CENPF: variants seen among roughly 807,000 people sequenced by gnomAD.
CENPF encodes AH antigen.
CENPF carries 214 observed loss-of-function variants against 307.3 expected under a neutral mutation model. The ratio of observed to expected loss-of-function variants is 0.70; its 90% confidence interval spans 0.62 to 0.78. CENPF has a LOEUF of 0.78. CENPF is among the 30% of genes least tolerant of loss of function. The pLI, the probability that CENPF is intolerant of heterozygous loss-of-function variation, is 0.00. For missense variants in CENPF, 3,401 were observed against 3,483.9 expected, an observed-to-expected ratio of 0.98 and a Z score of 0.60; for synonymous variants, 1,259 against 1,270.6, an observed-to-expected ratio of 0.99 and a Z score of 0.19.
In CENPF at chr1:214,641,683, A is replaced by G. The variant is rs778377597; in HGVS notation, c.3345A>G (p.Thr1115=). 1.3e-6 allele frequency: 2 copies of G among 1,581,574 alleles called. No individual in the cohort carries two copies. Among genetic ancestry groups the G allele is most frequent in the South Asian group, 1.2e-5 (1 of 85,174 alleles). Residue 1115 remains threonine (T), a synonymous_variant, in exon 12 of 20, where the codon ACA becomes ACG. Coordinates refer to ENST00000366955, the MANE Select transcript of CENPF (RefSeq NM_016343.4). ...TVQQALRSEM[T]DNQNNSKSEA... ...AGCAAGCTCTGAGATCTGAGATGACAGATAACCAAAACAATTCTAAGAGCG... is the reference window on the plus strand; with the variant it reads ...AGCAAGCTCTGAGATCTGAGATGACGGATAACCAAAACAATTCTAAGAGCG...
intron 16 of CENPF, chr1:214,655,008 G>A (rs1048047882): frequency 1.1e-5 from 3 of 281,360 alleles, no homozygotes; most frequent in Non-Finnish European, 2.0e-5. Context: ...CTCAGGAACT[G>A]TAGTTTATAC....
Position 214,643,317 on chromosome 1 carries a change from CAGA to C in CENPF, c.4983_4985del (p.Glu1661del). The C allele has an allele frequency of 6.7e-7, 1 of 1,493,194 alleles. No homozygotes were observed. The highest frequency in any genetic ancestry group is 1.4e-5 in the South Asian group (1 of 69,470). 92.5% of individuals were successfully genotyped at this position (1,493,194 alleles called of 1,614,324 possible). On this transcript the variant is annotated inframe_deletion, in exon 12 of 20. Coordinates refer to ENST00000366955, the MANE Select transcript of CENPF (RefSeq NM_016343.4). ...TCTCGGTCTTTGCTTGGCATCGACA[CAGA>C]AGATGTAAGTACCTGGGATTTAAAT...
In CENPF at chr1:214,616,831, CTTCCTCTTTCTTTCTTTCT is replaced by C. The variant is rs1558170776; in HGVS notation, c.360-1738_360-1720del. 2.6e-4 allele frequency among the ~76,000 whole-genome samples: 38 copies of C among 145,414 alleles called. 1 individual carries two copies. Among genetic ancestry groups the C allele is most frequent in the African/African-American group, 9.7e-4 (37 of 38,336 alleles). On this transcript the variant is annotated intron_variant, in intron 3 of 19. Coordinates refer to ENST00000366955, the MANE Select transcript of CENPF (RefSeq NM_016343.4). ...CTTTCCTTCCTTCCTTCTTTCCTTC[CTTCCTCTTTCTTTCTTTCT>C]TTCTTTCTTTCTTTCTTTCTTTCTT...
In CENPF at chr1:214,645,435, G is replaced by A. The variant is rs754812982; in HGVS notation, c.5865G>A (p.Val1955=). 1.2e-6 allele frequency: 2 copies of A among 1,613,956 alleles called. No homozygotes were observed. The highest frequency in any genetic ancestry group is 3.3e-5 in the Admixed American group (2 of 59,992). The change falls in exon 13 of 20, where the codon GTG becomes GTA. Residue 1955 remains valine, a synonymous_variant. Transcript: ENST00000366955. The stretch of plus-strand genomic sequence containing the variant: ...TCTGCCTTGAAGAAGAACTCTCAGT[G>A]GTCACAAGTGAGAGAAACCAGCTTC... The part of the protein sequence containing the change: ...VIVCLEEELS[V]VTSERNQLRG...
rs772012154 is a variant in CENPF at position 214,663,827 on chromosome 1, G to A, written c.*33G>A. On this transcript the variant is annotated 3_prime_UTR_variant, in exon 20 of 20. Coordinates refer to ENST00000366955, the MANE Select transcript of CENPF (RefSeq NM_016343.4). ...TTGTGTGTCAGTACCCCTGGGAGGTGCCAGTCATTGAATAGATAAGGCTGT... is the reference window on the plus strand; with the variant it reads ...TTGTGTGTCAGTACCCCTGGGAGGTACCAGTCATTGAATAGATAAGGCTGT... The A allele has an allele frequency of 2.6e-6, 4 of 1,564,092 alleles. No individual in the cohort carries two copies. Among genetic ancestry groups the A allele is most frequent in the Non-Finnish European group, 8.8e-7 (1 of 1,139,354 alleles).
chr1:214,660,907 T>G (rs889503085), intron 19 of CENPF, among the ~76,000 whole-genome samples: 1 of 152,216 alleles, frequency 6.6e-6, no homozygotes, highest in Non-Finnish European at 1.5e-5. Context: ...AAATATTCAC[T>G]GAATGAATGG....
At chr1:214,614,088 C>T (rs534611098) in intron 2 of CENPF, among the ~76,000 whole-genome samples, 172 bp downstream of exon 2, 2 of 138,504 alleles carry the variant, frequency 1.4e-5, no homozygotes, top group East Asian at 4.1e-4. Context: ...CCCACCCCCA[C>T]CCCAGGCCCC....
Position 214,642,649 on chromosome 1 carries a change from C to T in CENPF, c.4311C>T (p.Thr1437=). ...GCTCTAAAATGTCAGAGCTGCAGAC[C>T]TATGTTGACTCATTAAAGGCCGAAA... The part of the protein sequence containing the change: ...QMSSKMSELQ[T]YVDSLKAENL... Residue 1437 remains threonine (T), a synonymous_variant, in exon 12 of 20, where the codon ACC becomes ACT. Coordinates refer to ENST00000366955, the MANE Select transcript of CENPF (RefSeq NM_016343.4). The T allele has an allele frequency of 6.2e-7, 1 of 1,614,016 alleles. No individual in the cohort carries two copies. Among genetic ancestry groups the T allele is most frequent in the Non-Finnish European group, 8.5e-7 (1 of 1,179,972 alleles).
intron 1 of CENPF, 135 bp from the exon 2 acceptor site, chr1:214,613,579 G>A (rs374045942): frequency 7.5e-6 from 4 of 530,396 alleles, no homozygotes; most frequent in Admixed American, 3.9e-5. Flanking sequence ...GGAGAAGATA[G>A]GTATTATACT....
chr1:214,608,706 A>G (rs1657109424), intron 1 of CENPF: 3 of 1,594,532 alleles, frequency 1.9e-6, no homozygotes, highest in Admixed American at 3.4e-5. Context: ...CGGCCCCACC[A>G]GGCCCCGGCT....
At chr1:214,632,840 A>G (rs1336254830) in intron 10 of CENPF, among the ~76,000 whole-genome samples, 1 of 152,226 alleles carries the variant, frequency 6.6e-6, no homozygotes, top group Non-Finnish European at 1.5e-5. Flanking sequence ...CAATTATAGC[A>G]TATCTAGCAA....
intron 19 of CENPF, among the ~76,000 whole-genome samples, chr1:214,663,336 A>G (rs896574207): frequency 2.0e-5 from 3 of 152,328 alleles, no homozygotes; most frequent in Admixed American, 6.5e-5. Flanking sequence ...CTAGGGATAC[A>G]TAGGTAAATA....
chr1:214,650,193 C>G (rs1404329684), intron 14 of CENPF, among the ~76,000 whole-genome samples: 1 of 152,084 alleles, frequency 6.6e-6, no homozygotes, highest in Non-Finnish European at 1.5e-5. Flanking sequence ...ATGCAACGAC[C>G]AGGCAGTGGT....
intron 1 of CENPF, chr1:214,613,054 G>C (rs548539719): frequency 3.3e-5 from 11 of 337,500 alleles, no homozygotes; most frequent in Admixed American, 7.0e-5. Flanking sequence ...CAACTTTGAT[G>C]CTACATGAAT....
chr1:214,616,550 C>T lies in CENPF; in HGVS notation c.359+1522C>T, dbSNP rs189826473. Among the ~76,000 whole-genome samples the T allele has an allele frequency of 3.5e-3, 526 of 151,902 alleles. 1 individual carries two copies. The highest frequency in any genetic ancestry group is 0.01 in the Middle Eastern group (3 of 294). On this transcript the variant is annotated intron_variant, in intron 3 of 19. Transcript: ENST00000366955. Reference sequence around the variant, plus strand: ...AAAATGTAAAATATTTTATTAGTAACTTTCCTATTAATTACAAGTTGAAAT... The same window carrying T: ...AAAATGTAAAATATTTTATTAGTAATTTTCCTATTAATTACAAGTTGAAAT...
At position 214,641,283 on chromosome 1, in the gene CENPF, T is replaced by A. The variant is rs376432730; in HGVS notation, c.2945T>A (p.Ile982Asn). The change falls in exon 12 of 20, where the codon ATT becomes AAT. Residue 982 changes from isoleucine to asparagine, a missense_variant. Coordinates refer to ENST00000366955, the MANE Select transcript of CENPF (RefSeq NM_016343.4). ...CAAGAGAATGGGACTCTTAAGGAAA[T>A]TAATGCATCCTTAAATCAAGAGAAG... ...LTQENGTLKEINASLNQEKMN... is the reference protein window; with the variant it reads ...LTQENGTLKENNASLNQEKMN... 1 of 1,605,988 alleles carries A rather than the reference T, an allele frequency of 6.2e-7. No individual in the cohort carries two copies. Among genetic ancestry groups the A allele is most frequent in the East Asian group, 2.2e-5 (1 of 44,834 alleles).
At chr1:214,652,068 A>ATTTTTTTTTTTT (rs35011701) in intron 15 of CENPF, among the ~76,000 whole-genome samples, 182 bp downstream of exon 15, 1 of 127,096 alleles carries the variant, frequency 7.9e-6, no homozygotes, top group African/African-American at 3.0e-5. Context: ...TTATCAGTTG[A>ATTTTTTTTTTTT]TTTTTTTTTT....
intron 1 of CENPF, chr1:214,608,768 T>G (rs1657112298): frequency 6.2e-7 from 1 of 1,600,460 alleles, no homozygotes; most frequent in African/African-American, 1.3e-5. Flanking sequence ...AAGGCGAGCT[T>G]GGCAGCGATG....
chr1:214,645,917 A>G lies in CENPF; in HGVS notation c.6347A>G (p.Gln2116Arg), dbSNP rs771919203. ...AGCTCAACACAGGAGGAAGTGCATC[A>G]GCTGAGAAGAGGCATCGAGAAACTG... ...RLSSTQEEVH[Q>R]LRRGIEKLRV... The change falls in exon 13 of 20, where the codon CAG (glutamine) becomes CGG (arginine). Residue 2116 changes from glutamine to arginine, a missense_variant. Gln to Arg is a conservative substitution (Grantham distance 43). Transcript: ENST00000366955. 2 of 1,614,188 alleles carry G rather than the reference A, an allele frequency of 1.2e-6. No homozygotes were observed. Among genetic ancestry groups the G allele is most frequent in the Admixed American group, 3.3e-5 (2 of 60,016 alleles).
Sources: allele counts gnomAD v4.1 joint callset (sites outside exome capture counted in the v4.1 genomes callset), GRCh38; gene constraint gnomAD v4.1.1; transcripts MANE v1.5; gene names NCBI Gene and HGNC (gene_info 2026-07-23, HGNC 2026-07-21).